KLHDC2: variants seen among roughly 807,000 people sequenced by gnomAD.
KLHDC2 encodes the protein kelch domain-containing protein 2.
In KLHDC2, 38 loss-of-function variants were observed where a neutral mutation model predicts 62.3. The ratio of observed to expected loss-of-function variants is 0.61; its 90% confidence interval spans 0.47 to 0.80. The LOEUF is 0.80. Among genes scored for constraint, KLHDC2 ranks in the 30% least tolerant of loss-of-function variants. The probability of loss-of-function intolerance (pLI) is 0.00; values close to 1 mark genes in which losing one functional copy is unlikely to be tolerated. For synonymous variants in KLHDC2, 159 were observed against 161.0 expected (o/e 0.99, Z 0.09); for missense variants, 430 against 495.3 (o/e 0.87, Z 1.25).
chr14:49,780,228 A>C lies in KLHDC2; in HGVS notation c.789A>C (p.Ile263=). The change falls in exon 9 of 13, where the codon ATA becomes ATC. Residue 263 remains isoleucine, a synonymous_variant. Transcript: ENST00000298307. ...WEWNELIPQG[I]CPVGRSWHSL... Reference sequence around the variant, plus strand: ...TTATTTTCAGAATTCCACAAGGCATATGCCCAGTTGGTCGATCTTGGCACT... The same window carrying C: ...TTATTTTCAGAATTCCACAAGGCATCTGCCCAGTTGGTCGATCTTGGCACT... The C allele has an allele frequency of 6.2e-7, 1 of 1,608,958 alleles. No individual in the cohort carries two copies.
In KLHDC2 at chr14:49,785,168, G is replaced by C; in HGVS notation, c.*2215G>C. On this transcript the variant is annotated 3_prime_UTR_variant, in exon 13 of 13. Transcript: ENST00000298307. ...AAGGAATTACATGTGTTACTAAATA[G>C]ACGTTACAAAACAATTCACAAAAGC... is the stretch of plus-strand genomic sequence containing the variant. 2 of 1,597,610 alleles carry C rather than the reference G, an allele frequency of 1.3e-6. No individual in the cohort carries two copies. The highest frequency in any genetic ancestry group is 1.7e-6 in the Non-Finnish European group (2 of 1,165,172).
At position 49,785,110 on chromosome 14, in the gene KLHDC2, C is replaced by G; in HGVS notation, c.*2157C>G. The G allele has an allele frequency of 1.2e-6, 2 of 1,606,064 alleles. No homozygotes were observed. The highest frequency in any genetic ancestry group is 1.7e-6 in the Non-Finnish European group (2 of 1,172,864). ...TAAATACCTTTTCCCTTTTTCTGCACTCCAGGAGTAAGTTTCACTTTATAT... is the reference window on the plus strand; with the variant it reads ...TAAATACCTTTTCCCTTTTTCTGCAGTCCAGGAGTAAGTTTCACTTTATAT... On this transcript the variant is annotated 3_prime_UTR_variant, in exon 13 of 13. Transcript: ENST00000298307.
chr14:49,769,376 G>GGAT (rs1002960307), intron 1 of KLHDC2, among the ~76,000 whole-genome samples: 1 of 152,144 alleles, frequency 6.6e-6, no homozygotes, highest in Non-Finnish European at 1.5e-5. Context: ...TTATTTGCTA[G>GGAT]GATGGCTCTG....
chr14:49,779,823 A>C lies in KLHDC2; in HGVS notation c.773+17A>C. On this transcript the variant is annotated intron_variant, in intron 8 of 12. Transcript: ENST00000298307. ...GAATGAATTGTAGGTATCACTTTAGATACATTTTTCCAAAATTCAGATTGT... is the reference window on the plus strand; with the variant it reads ...GAATGAATTGTAGGTATCACTTTAGCTACATTTTTCCAAAATTCAGATTGT... 1 of 1,588,578 alleles carries C rather than the reference A, an allele frequency of 6.3e-7. No homozygotes were observed. Among genetic ancestry groups the C allele is most frequent in the African/African-American group, 1.3e-5 (1 of 74,580 alleles).
chr14:49,781,369 C>CCAAA (rs10623363), intron 10 of KLHDC2, among the ~76,000 whole-genome samples: 1,547 of 124,210 alleles, frequency 0.012, 83 homozygotes, highest in East Asian at 0.065. Context: ...AACTCTGTCT[C>CCAAA]AAAAAAAAAA....
chr14:49,774,748 C>G, intron 3 of KLHDC2, 70 bp downstream of exon 3: 1 of 919,682 alleles, frequency 1.1e-6, no homozygotes, highest in Non-Finnish European at 1.8e-6. Context: ...CTGCAAATTT[C>G]TAAGGTTAGC....
At chr14:49,777,409 A>G (rs905701540) in intron 3 of KLHDC2, among the ~76,000 whole-genome samples, 5 of 152,116 alleles carry the variant, frequency 3.3e-5, no homozygotes, top group African/African-American at 9.7e-5. Flanking sequence ...ATAAAAAATA[A>G]AAAAATAAAA....
In KLHDC2 at chr14:49,785,725, A is replaced by C. The variant is rs1427527224; in HGVS notation, c.*2772A>C. ...CAACATGGAGAAACACCATCTCTAC[A>C]AAAAATATAAAAGTTAGCTGGGTAT... On this transcript the variant is annotated 3_prime_UTR_variant, in exon 13 of 13. Coordinates refer to ENST00000298307, the MANE Select transcript of KLHDC2 (RefSeq NM_014315.3). The C allele has an allele frequency of 3.8e-5, 7 of 182,484 alleles. No homozygotes were observed. Among genetic ancestry groups the C allele is most frequent in the South Asian group, 3.3e-4 (3 of 9,162 alleles). 11.3% of individuals were successfully genotyped at this position (182,484 alleles called of 1,614,324 possible). A position where few individuals can be genotyped will look rare whatever the true frequency, so the allele number is the denominator to read the frequency against.
intron 12 of KLHDC2, 99 bp from the exon 13 acceptor site, chr14:49,782,731 T>C: frequency 2.1e-6 from 3 of 1,451,274 alleles, no homozygotes; most frequent in Non-Finnish European, 2.8e-6. Flanking sequence ...ATGAAAATCT[T>C]TGAAGAAAGA....
chr14:49,779,634 A>G lies in KLHDC2; in HGVS notation c.673A>G (p.Thr225Ala), dbSNP rs374840929. Residue 225 changes from threonine (T) to alanine (A), a missense_variant, in exon 7 of 13, where the codon ACT (threonine) becomes GCT (alanine). Transcript: ENST00000298307. ...ACCTCGTGCTGCCCATGCCTGTGCA[A>G]CTGTCGGAAATAGAGGCTTCGTGTT... ...PSPRAAHACA[T>A]VGNRGFVFGG... The G allele has an allele frequency of 2.5e-6, 4 of 1,614,078 alleles. No homozygotes were observed. The highest frequency in any genetic ancestry group is 1.7e-5 in the Admixed American group (1 of 59,998).
In KLHDC2 at chr14:49,780,785, A is replaced by G; in HGVS notation, c.956+10A>G. Reference sequence around the variant, plus strand: ...ATACCGAAAAACCAAGGTATTTAAAAGCAATTCATATACTGAATATGCATA... The same window carrying G: ...ATACCGAAAAACCAAGGTATTTAAAGGCAATTCATATACTGAATATGCATA... On this transcript the variant is annotated intron_variant, in intron 10 of 12. Coordinates refer to ENST00000298307, the MANE Select transcript of KLHDC2 (RefSeq NM_014315.3). 2 of 1,400,880 alleles carry G rather than the reference A, an allele frequency of 1.4e-6. No homozygotes were observed. Among genetic ancestry groups the G allele is most frequent in the African/African-American group, 2.8e-5 (2 of 70,848 alleles). 86.8% of individuals were successfully genotyped at this position (1,400,880 alleles called of 1,614,324 possible).
intron 12 of KLHDC2, 77 bp downstream of exon 12, chr14:49,782,671 T>C: frequency 1.4e-6 from 2 of 1,382,150 alleles, no homozygotes; most frequent in Non-Finnish European, 2.0e-6. Context: ...AAAAACTAGG[T>C]TTATGGATTA....
In KLHDC2 at chr14:49,785,078, AC is replaced by A. The variant is rs1890103851; in HGVS notation, c.*2126del. 2 of 1,607,286 alleles carry A rather than the reference AC, an allele frequency of 1.2e-6. No homozygotes were observed. Among genetic ancestry groups the A allele is most frequent in the Non-Finnish European group, 1.7e-6 (2 of 1,174,116 alleles). The stretch of plus-strand genomic sequence containing the variant: ...CTGTTTAAAATCATAATTCAAAAAA[AC>A]AAATTTAAATACCTTTTCCCTTTTT... On this transcript the variant is annotated 3_prime_UTR_variant, in exon 13 of 13. Transcript: ENST00000298307.
rs757256718 is a variant in KLHDC2, at chr14:49,785,381, A to C, written c.*2428A>C. The C allele has an allele frequency of 1.1e-5, 12 of 1,095,888 alleles. No individual in the cohort carries two copies. Among genetic ancestry groups the C allele is most frequent in the Non-Finnish European group, 1.7e-5 (12 of 709,528 alleles). 67.9% of individuals were successfully genotyped at this position (1,095,888 alleles called of 1,614,324 possible). The stretch of plus-strand genomic sequence containing the variant: ...ATACCGCCCTTTACAAAAAATGCTA[A>C]AACACTTGAATTAGTATCTCAACAT... On this transcript the variant is annotated 3_prime_UTR_variant, in exon 13 of 13. Transcript: ENST00000298307.
intron 3 of KLHDC2, 175 bp downstream of exon 3, chr14:49,774,853 T>C: frequency 3.2e-6 from 2 of 618,208 alleles, no homozygotes; most frequent in African/African-American, 1.8e-5. Flanking sequence ...TGTATTTACC[T>C]AGGCATTATG....
In KLHDC2 at chr14:49,777,941, G is replaced by A; in HGVS notation, c.454G>A (p.Val152Ile). The part of the protein sequence containing the change: ...PSSKDKLGVW[V>I]YKNKLIFFGG... ...ATCAAAGGACAAACTTGGTGTCTGGGTATATAAAAACAAGTAAGTTGGCAG... is the reference window on the plus strand; with the variant it reads ...ATCAAAGGACAAACTTGGTGTCTGGATATATAAAAACAAGTAAGTTGGCAG... The change falls in exon 4 of 13, where the codon GTA (valine) becomes ATA (isoleucine). Residue 152 changes from valine (V) to isoleucine (I), a missense_variant. Transcript: ENST00000298307. 1.2e-6 allele frequency: 2 copies of A among 1,600,900 alleles called. No homozygotes were observed. Among genetic ancestry groups the A allele is most frequent in the East Asian group, 2.2e-5 (1 of 44,772 alleles).
In KLHDC2 at chr14:49,777,946, TAAAAACAA is replaced by T; in HGVS notation, c.460_467del (p.Lys154ValfsTer12). ...AGGACAAACTTGGTGTCTGGGTATA[TAAAAACAA>T]GTAAGTTGGCAGCACTACAGGTTTG... On this transcript the variant is annotated frameshift_variant and splice_region_variant, in exon 4 of 13. Transcript: ENST00000298307. LOFTEE classifies it high-confidence loss of function. 6.3e-7 allele frequency: 1 copy of T among 1,585,268 alleles called. No individual in the cohort carries two copies.
chr14:49,784,889 C>T lies in KLHDC2; in HGVS notation c.*1936C>T. The T allele has an allele frequency of 1.9e-6, 3 of 1,545,192 alleles. No homozygotes were observed. The highest frequency in any genetic ancestry group is 2.7e-6 in the Non-Finnish European group (3 of 1,119,732). On this transcript the variant is annotated 3_prime_UTR_variant, in exon 13 of 13. Transcript: ENST00000298307. Reference sequence around the variant, plus strand: ...CTGCTAACATTTTAAATTGTACTGTCAGTCTCCACATTCCTTTTCTGAAGG... The same window carrying T: ...CTGCTAACATTTTAAATTGTACTGTTAGTCTCCACATTCCTTTTCTGAAGG...
At chr14:49,771,525 G>A in intron 1 of KLHDC2, 69 bp from the exon 2 acceptor site, 3 of 725,050 alleles carry the variant, frequency 4.1e-6, no homozygotes, top group Non-Finnish European at 2.5e-6. Flanking sequence ...TCTCAAGATC[G>A]ATTTAAAAAA....
Sources: gnomAD v4.1 joint callset for allele counts (sites outside exome capture counted in the v4.1 genomes callset) on GRCh38, gnomAD v4.1.1 for gene constraint, MANE v1.5 for transcripts, NCBI Gene and HGNC (gene_info 2026-07-23, HGNC 2026-07-21) for gene names.